ZMAT1: variants seen among roughly 807,000 people sequenced by gnomAD.
ZMAT1 encodes zinc finger matrin-type 1.
A neutral mutation model predicts 18.5 loss-of-function variants in ZMAT1; 11 were observed. The observed-to-expected ratio is 0.59, with a 90% CI of 0.37 to 0.98. The LOEUF is 0.98. ZMAT1 is among the 50% of genes least tolerant of loss of function. The probability of loss-of-function intolerance (pLI) is 0.01; values close to 1 mark genes in which losing one functional copy is unlikely to be tolerated. For synonymous variants in ZMAT1, 211 were observed against 176.4 expected, an observed-to-expected ratio of 1.20 and a Z score of -1.55; for missense variants, 525 against 496.2, an observed-to-expected ratio of 1.06 and a Z score of -0.55.
At chrX:101,888,210 G>A (rs975112109) in intron 4 of ZMAT1, 3 of 111,440 alleles carry the variant, frequency 2.7e-5, no homozygotes, top group South Asian at 3.7e-4. Flanking sequence ...GTTTGTTTGC[G>A]GTTAGTGAGT....
At chrX:101,884,922 T>A (rs1182310184) in intron 5 of ZMAT1, 101 bp from the exon 6 acceptor site, 15 of 506,397 alleles carry the variant, frequency 3.0e-5, no homozygotes, top group African/African-American at 2.2e-4. Flanking sequence ...ACAACAAATT[T>A]AAAAACCCAA....
intron 1 of ZMAT1, chrX:101,918,496 G>C (rs1363972800): frequency 1.1e-5 from 1 of 88,534 alleles, no homozygotes; most frequent in Non-Finnish European, 2.4e-5. Flanking sequence ...AAATTAGCTG[G>C]GCGTGGTGGT....
At chrX:101,894,083 G>A (rs1927628604) in intron 4 of ZMAT1, among the ~76,000 whole-genome samples, 1 of 111,639 alleles carries the variant, frequency 9.0e-6, no homozygotes, top group South Asian at 3.7e-4. Context: ...GTTAAATTGG[G>A]GGTGGGTTTG....
At chrX:101,929,302 TAAAC>T (rs938396553) in intron 1 of ZMAT1, among the ~76,000 whole-genome samples, 7 of 107,728 alleles carry the variant, frequency 6.5e-5, no homozygotes, top group Non-Finnish European at 9.6e-5. Context: ...AACTAGGACT[TAAAC>T]AAGCAAAAGA....
chrX:101,904,170 C>A, intron 2 of ZMAT1, 54 bp downstream of exon 2: 1 of 885,002 alleles, frequency 1.1e-6, no homozygotes. Context: ...AGGAAGTTTA[C>A]TTGCTACATT....
chrX:101,893,204 G>T (rs1326081114), intron 4 of ZMAT1, among the ~76,000 whole-genome samples: 1 of 110,534 alleles, frequency 9.0e-6, no homozygotes, highest in Non-Finnish European at 1.9e-5. Context: ...AAAACTTCAG[G>T]GTGCCAAAAT....
At chrX:101,892,815 TG>T in intron 4 of ZMAT1, 1 of 580,675 alleles carries the variant, frequency 1.7e-6, no homozygotes, top group Non-Finnish European at 2.1e-6. Flanking sequence ...AGATTAGATA[TG>T]GGAGAAACAT....
At chrX:101,916,438 G>C (rs1305985587) in intron 1 of ZMAT1, among the ~76,000 whole-genome samples, 1 of 111,577 alleles carries the variant, frequency 9.0e-6, no homozygotes, top group Non-Finnish European at 1.9e-5. Context: ...ATTTACAATA[G>C]TCACACATAA....
At chrX:101,905,727 A>T (rs981228979) in intron 1 of ZMAT1, among the ~76,000 whole-genome samples, 4 of 111,608 alleles carry the variant, frequency 3.6e-5, no homozygotes, top group Non-Finnish European at 7.5e-5. Flanking sequence ...CAACTGTCTT[A>T]ATTTTTGCAG....
intron 1 of ZMAT1, among the ~76,000 whole-genome samples, chrX:101,929,833 A>C (rs1377201078): frequency 9.0e-6 from 1 of 111,329 alleles, no homozygotes; most frequent in Non-Finnish European, 1.9e-5. Flanking sequence ...AGAACAGCAA[A>C]ATCATGGTTG....
In ZMAT1 at chrX:101,892,967, T is replaced by C. The variant is rs1340953312; in HGVS notation, c.676+4901A>G. On this transcript the variant is annotated intron_variant, in intron 4 of 5. Coordinates refer to ENST00000651725, the MANE Select transcript of ZMAT1 (RefSeq NM_001394560.1). ...CTGCTGTTACTGTTCTTTGAAATTG[T>C]CATTAGCTAGTTAAAATTCTCCAGG... Among the ~76,000 whole-genome samples, 6 of 111,824 alleles carry C rather than the reference T, an allele frequency of 5.4e-5. No homozygotes were observed. In the Admixed American group the frequency reaches 5.7e-4, roughly 11 times the overall value.
At chrX:101,919,062 A>C (rs17258091) in intron 1 of ZMAT1, among the ~76,000 whole-genome samples, 6,137 of 111,053 alleles carry the variant, frequency 0.055, 186 homozygotes, top group Non-Finnish European at 0.076. Flanking sequence ...TCCTAGGATT[A>C]AAATCTCAGT....
chrX:101,919,702 G>T (rs182729977), intron 1 of ZMAT1, among the ~76,000 whole-genome samples: 5 of 111,675 alleles, frequency 4.5e-5, no homozygotes, highest in African/African-American at 1.6e-4. Context: ...GATTTTGAAC[G>T]AAACTTTAAA....
Position 101,883,782 on chromosome X carries a change from T to C in ZMAT1, c.1816A>G (p.Lys606Glu), listed in dbSNP as rs1172689568. Residue 606 changes from lysine (K) to glutamate (E), a missense_variant, in exon 6 of 6, where the codon AAA becomes GAA. Physicochemically the swap from Lys to Glu is moderately conservative, Grantham distance 56. Transcript: ENST00000651725. ...GACTGCTCTTTCTCTGGCCTTTCTT[T>C]GCCTTCTTCTAGGTGTCGTTTTCTC... ...QKRKRHLEEG[K>E]ERPEKEQSKH... 8.3e-7 allele frequency: 1 copy of C among 1,210,302 alleles called. No homozygotes were observed. Among genetic ancestry groups the C allele is most frequent in the South Asian group, 1.8e-5 (1 of 56,852 alleles).
intron 2 of ZMAT1, among the ~76,000 whole-genome samples, chrX:101,900,571 A>G (rs1363076512): frequency 4.5e-5 from 5 of 111,422 alleles, no homozygotes; most frequent in African/African-American, 6.5e-5. Flanking sequence ...CCTTTCCCCA[A>G]CTGATATTTT....
intron 1 of ZMAT1, among the ~76,000 whole-genome samples, chrX:101,921,028 A>T (rs1603284791): frequency 9.0e-6 from 1 of 111,430 alleles, no homozygotes; most frequent in East Asian, 2.8e-4. Context: ...GATTTTTGAA[A>T]AAAAAAAAGG....
Position 101,904,221 on chromosome X carries a change from T to A in ZMAT1, c.399+3A>T. 8.5e-7 allele frequency: 1 copy of A among 1,179,921 alleles called. No individual in the cohort carries two copies. The highest frequency in any genetic ancestry group is 1.1e-6 in the Non-Finnish European group (1 of 876,573). On this transcript the variant is annotated splice_donor_region_variant and intron_variant, in intron 2 of 5. Coordinates refer to ENST00000651725, the MANE Select transcript of ZMAT1 (RefSeq NM_001394560.1). ...GACCCTACTTCCATTATTTTTAACC[T>A]ACCTCATAATGTGAAATTCTTTGTG...
chrX:101,916,551 G>T (rs565875257), intron 1 of ZMAT1, among the ~76,000 whole-genome samples: 2 of 111,349 alleles, frequency 1.8e-5, no homozygotes, highest in South Asian at 7.5e-4. Context: ...CCAAAAAATA[G>T]AAAAATATTC....
rs1926530073 is a variant in ZMAT1, at chrX:101,882,311, A to G, written c.*1199T>C. ...TATGTAGAAATTAAAACACTTTAAT[A>G]TAAACATTTCCAGAATATAGACTGA... On this transcript the variant is annotated 3_prime_UTR_variant, in exon 6 of 6. Transcript: ENST00000651725. The G allele has an allele frequency of 1.8e-5, 2 of 111,900 alleles. No individual in the cohort carries two copies. Among genetic ancestry groups the G allele is most frequent in the African/African-American group, 3.2e-5 (1 of 30,810 alleles). 9.2% of individuals were successfully genotyped at this position (111,900 alleles called of 1,213,427 possible). A position where few individuals can be genotyped will look rare whatever the true frequency, so the allele number is the denominator to read the frequency against.
Sources: gnomAD v4.1 joint callset for allele counts (sites outside exome capture counted in the v4.1 genomes callset) on GRCh38, gnomAD v4.1.1 for gene constraint, MANE v1.5 for transcripts, NCBI Gene and HGNC (gene_info 2026-07-23, HGNC 2026-07-21) for gene names.